The following PLCH1 variants were observed in gnomAD, a reference collection of about 807,000 sequenced individuals.
The protein encoded by PLCH1 is phospholipase C eta 1, also known as 1-phosphatidylinositol 4,5-bisphosphate phosphodiesterase eta-1.
A neutral mutation model predicts 126.7 loss-of-function variants in PLCH1; 60 were observed. That is an observed-to-expected ratio of 0.47 (90% CI 0.38 to 0.59). PLCH1 has a LOEUF of 0.59. PLCH1 is among the 20% of genes least tolerant of loss of function. PLCH1 has a pLI of 0.00. For missense variants in PLCH1, 1,723 were observed against 2,040.0 expected (o/e 0.84, Z 2.99); for synonymous variants, 719 against 734.9 (o/e 0.98, Z 0.35).
chr3:155,600,059 G>A (rs1400413491), intron 2 of PLCH1, among the ~76,000 whole-genome samples: 2 of 152,146 alleles, frequency 1.3e-5, no homozygotes, highest in Non-Finnish European at 2.9e-5. Context: ...ACACAGAAAA[G>A]CCATTTGGAT....
intron 8 of PLCH1, among the ~76,000 whole-genome samples, chr3:155,563,861 C>T (rs747662283): frequency 5.5e-4 from 83 of 152,242 alleles, no homozygotes; most frequent in African/African-American, 1.9e-3. Flanking sequence ...CCTCGCACTT[C>T]ATTCTCTATA....
chr3:155,629,023 T>G (rs1737701532), intron 2 of PLCH1, among the ~76,000 whole-genome samples: 1 of 152,228 alleles, frequency 6.6e-6, no homozygotes, highest in South Asian at 2.1e-4. Flanking sequence ...GAGTCACTTC[T>G]CAGTCACATT....
intron 7 of PLCH1, among the ~76,000 whole-genome samples, chr3:155,567,428 G>T (rs1299753593): frequency 1.3e-5 from 2 of 152,130 alleles, no homozygotes; most frequent in African/African-American, 4.8e-5. Flanking sequence ...ACCACAGGAA[G>T]TAAATAGATG....
At chr3:155,636,146 G>T (rs1446088785) in intron 2 of PLCH1, among the ~76,000 whole-genome samples, 1 of 152,074 alleles carries the variant, frequency 6.6e-6, no homozygotes, top group African/African-American at 2.4e-5. Context: ...GGCCAGCATT[G>T]TGTCACTTGT....
At chr3:155,576,401 A>G (rs1193112217) in intron 6 of PLCH1, among the ~76,000 whole-genome samples, 1 of 152,218 alleles carries the variant, frequency 6.6e-6, no homozygotes, top group African/African-American at 2.4e-5. Flanking sequence ...CCTCATGGTT[A>G]TAAAAGATAG....
intron 1 of PLCH1, among the ~76,000 whole-genome samples, chr3:155,723,274 A>G (rs938175279): frequency 2.0e-5 from 3 of 151,856 alleles, no homozygotes; most frequent in African/African-American, 7.3e-5. Flanking sequence ...CTCCCATTTC[A>G]TCTCTAATTG....
At chr3:155,475,997 A>G (rs1713530005), downstream of PLCH1, among the ~76,000 whole-genome samples, 1 of 152,116 alleles carries the variant, frequency 6.6e-6, no homozygotes, top group African/African-American at 2.4e-5. Context: ...AAAAACCAGA[A>G]AAAGACACAA....
At chr3:155,720,027 C>G (rs541290154) in intron 1 of PLCH1, among the ~76,000 whole-genome samples, 1 of 152,242 alleles carries the variant, frequency 6.6e-6, no homozygotes, top group South Asian at 2.1e-4. Flanking sequence ...AACTCCTGAC[C>G]TCATGATCCA....
chr3:155,485,475 G>C lies in PLCH1; in HGVS notation c.2855C>G (p.Thr952Ser), dbSNP rs1378622184. 6.2e-7 allele frequency: 1 copy of C among 1,613,966 alleles called. No homozygotes were observed. Among genetic ancestry groups the C allele is most frequent in the African/African-American group, 1.3e-5 (1 of 74,906 alleles). Residue 952 changes from threonine (T) to serine (S), a missense_variant, in exon 22 of 23, where the codon ACC (threonine) becomes AGC (serine). By Grantham distance (58) the Thr-to-Ser change is moderately conservative. Coordinates refer to ENST00000460012, the MANE Select transcript of PLCH1 (RefSeq NM_014996.4). ...AGGGCGTGCTTGCAAACTGCGTGTGGTCCTCCTCAGCACGCCATCTTGATC... is the reference window on the plus strand; with the variant it reads ...AGGGCGTGCTTGCAAACTGCGTGTGCTCCTCCTCAGCACGCCATCTTGATC... ...TRDQDGVLRR[T>S]TRSLQARPVS... is the part of the protein sequence containing the mutation.
intron 18 of PLCH1, among the ~76,000 whole-genome samples, chr3:155,492,429 T>C (rs1716361492): frequency 6.6e-6 from 1 of 152,228 alleles, no homozygotes; most frequent in African/African-American, 2.4e-5. Flanking sequence ...GGTTAAGATA[T>C]ACTCTTAGGT....
At chr3:155,574,264 T>C (rs563466723) in intron 6 of PLCH1, among the ~76,000 whole-genome samples, 26 of 152,214 alleles carry the variant, frequency 1.7e-4, no homozygotes, top group African/African-American at 6.3e-4. Context: ...AAGGGACAGT[T>C]GCCCTGCTAC....
At chr3:155,560,929 T>G (rs1727500664) in intron 8 of PLCH1, among the ~76,000 whole-genome samples, 1 of 152,158 alleles carries the variant, frequency 6.6e-6, no homozygotes, top group South Asian at 2.1e-4. Context: ...AGGGCACTAC[T>G]TCCTTTCTCC....
At position 155,554,747 on chromosome 3, in the gene PLCH1, T is replaced by C. The variant is rs150470499; in HGVS notation, c.1070-551A>G. On this transcript the variant is annotated intron_variant, in intron 8 of 22. Transcript: ENST00000460012. ...TCAAATCCTCGAGCGCTGCCAAGAT[T>C]TATGTGAATTTGGGCAAATAACTTA... 1.6e-4 allele frequency among the ~76,000 whole-genome samples: 24 copies of C among 152,312 alleles called. No individual in the cohort carries two copies. In the East Asian group the frequency reaches 2.9e-3, roughly 18 times the overall value.
rs142956621 is a variant in PLCH1 at position 155,567,056 on chromosome 3, A to G, written c.865+1175T>C. Among the ~76,000 whole-genome samples the G allele has an allele frequency of 3.0e-3, 462 of 152,206 alleles. 2 individuals carry two copies. Among genetic ancestry groups the G allele is most frequent in the South Asian group, 0.02 (98 of 4,816 alleles). ...TGTTTTTAAAACAGTTTTTAATGAT[A>G]TAAGATTTTATTTTATTTTATTATT... is the stretch of plus-strand genomic sequence containing the variant. On this transcript the variant is annotated intron_variant, in intron 7 of 22. Coordinates refer to ENST00000460012, the MANE Select transcript of PLCH1 (RefSeq NM_014996.4).
intron 2 of PLCH1, among the ~76,000 whole-genome samples, chr3:155,634,771 C>A (rs1353840989): frequency 6.6e-6 from 1 of 152,212 alleles, no homozygotes; most frequent in African/African-American, 2.4e-5. Context: ...AAAGGGAGAA[C>A]TGCGGGCAGA....
intron 2 of PLCH1, among the ~76,000 whole-genome samples, chr3:155,599,786 C>A (rs1310625351): frequency 2.0e-5 from 3 of 152,176 alleles, no homozygotes; most frequent in Non-Finnish European, 2.9e-5. Context: ...GCAAGGACTG[C>A]CTATGTATCT....
intron 2 of PLCH1, among the ~76,000 whole-genome samples, chr3:155,656,809 G>GA (rs1388087813): frequency 6.6e-6 from 1 of 151,400 alleles, no homozygotes; most frequent in African/African-American, 2.4e-5. Context: ...AATCAGATAA[G>GA]AAAAAAACAA....
At chr3:155,575,129 TA>T (rs914720883) in intron 6 of PLCH1, among the ~76,000 whole-genome samples, 31 of 147,768 alleles carry the variant, frequency 2.1e-4, no homozygotes, top group African/African-American at 5.5e-4. Context: ...AGACCCCATC[TA>T]AAAAAAAAAT....
At position 155,482,567 on chromosome 3, in the gene PLCH1, A is replaced by G. The variant is rs747888370; in HGVS notation, c.3459T>C (p.Ser1153=). ...FSLSDVSMLC[S]DIPDLHSTAI... ...CAGTTGAATGTAGGTCAGGTATGTC[A>G]GAACAGAGCATGGAGACGTCTGACA... The change falls in exon 23 of 23, where the codon TCT becomes TCC. Residue 1153 remains serine, a synonymous_variant. Transcript: ENST00000460012. 9 of 1,614,096 alleles carry G rather than the reference A, an allele frequency of 5.6e-6. No homozygotes were observed. The highest frequency in any genetic ancestry group is 2.2e-5 in the South Asian group (2 of 91,096).
Sources: allele counts gnomAD v4.1 joint callset (sites outside exome capture counted in the v4.1 genomes callset), GRCh38; gene constraint gnomAD v4.1.1; transcripts MANE v1.5; gene names NCBI Gene and HGNC (gene_info 2026-07-23, HGNC 2026-07-21).